The following NRXN3 variants were observed in gnomAD, a reference collection of about 807,000 sequenced individuals.
NRXN3 encodes the protein neurexin III.
Under a neutral mutation model 137.6 loss-of-function variants are expected in NRXN3, and 32 were observed. The ratio of observed to expected loss-of-function variants is 0.23; its 90% CI spans 0.18 to 0.31. NRXN3 has a LOEUF of 0.31. Ranked by LOEUF, NRXN3 falls within the 10% of genes least tolerant of loss-of-function variation. NRXN3 has a pLI of 1.00. For missense variants in NRXN3, 1,574 were observed against 2,062.5 expected (o/e 0.76, Z 4.59); for synonymous variants, 798 against 784.5 (o/e 1.02, Z -0.29).
chr14:79,420,214 A>C (rs1567075628), intron 15 of NRXN3, among the ~76,000 whole-genome samples: 3 of 152,220 alleles, frequency 2.0e-5, no homozygotes, highest in African/African-American at 7.2e-5. Context: ...AGGTAGGTAT[A>C]ATTATTATTA....
intron 10 of NRXN3, among the ~76,000 whole-genome samples, chr14:78,927,807 C>T (rs544185806): frequency 3.3e-5 from 5 of 152,056 alleles, no homozygotes; most frequent in Non-Finnish European, 7.4e-5. Context: ...GCATTTTTCC[C>T]CACACAGGAC....
chr14:79,154,707 C>T lies in NRXN3; in HGVS notation c.3262+166566C>T, dbSNP rs75273792. 2.9e-3 allele frequency among the ~76,000 whole-genome samples: 446 copies of T among 151,834 alleles called. 2 individuals are homozygous for T. The highest frequency in any genetic ancestry group is 8.9e-3 in the African/African-American group (370 of 41,438). ...CTGCCTATATCATGAGACTTTGTGA[C>T]GATTCAAAGGAGCAATTCAGGCACA... On this transcript the variant is annotated intron_variant, in intron 15 of 20. Transcript: ENST00000335750.
intron 10 of NRXN3, among the ~76,000 whole-genome samples, chr14:78,891,406 A>G (rs773861786): frequency 1.3e-5 from 2 of 151,938 alleles, no homozygotes; most frequent in African/African-American, 2.4e-5. Context: ...GTTTTTATGC[A>G]TTACTGATAG....
chr14:78,710,287 T>G (rs2098395368), intron 7 of NRXN3, among the ~76,000 whole-genome samples: 1 of 151,900 alleles, frequency 6.6e-6, no homozygotes, highest in Non-Finnish European at 1.5e-5. Context: ...TTACATTTTG[T>G]TTAAATGGCT....
At chr14:79,399,227 T>C (rs923296814) in intron 15 of NRXN3, among the ~76,000 whole-genome samples, 1 of 152,096 alleles carries the variant, frequency 6.6e-6, no homozygotes, top group African/African-American at 2.4e-5. Flanking sequence ...GAATTTTGAG[T>C]TCCCACACTC....
At chr14:78,529,166 G>A (rs76857177) in intron 4 of NRXN3, among the ~76,000 whole-genome samples, 4,254 of 152,230 alleles carry the variant, frequency 0.028, 122 homozygotes, top group African/African-American at 0.069. Flanking sequence ...AAAGTGTAGC[G>A]TCCTTAAACT....
chr14:78,671,921 T>A (rs891288000), intron 6 of NRXN3, among the ~76,000 whole-genome samples: 2 of 152,210 alleles, frequency 1.3e-5, no homozygotes, highest in African/African-American at 2.4e-5. Flanking sequence ...TGAGTTCAAT[T>A]CAGTTTAAGG....
At chr14:78,263,873 T>TTGTGTGTGTG (rs3059009) in intron 2 of NRXN3, among the ~76,000 whole-genome samples, 10 of 135,650 alleles carry the variant, frequency 7.4e-5, no homozygotes, top group Admixed American at 2.3e-4. Context: ...CAGTTCTATT[T>TTGTGTGTGTG]TGTGTGTGTG....
intron 15 of NRXN3, among the ~76,000 whole-genome samples, chr14:78,992,227 G>A (rs2099520410): frequency 6.6e-6 from 1 of 152,190 alleles, no homozygotes; most frequent in Non-Finnish European, 1.5e-5. Context: ...CAGAAGAAAT[G>A]TTGAGTTAAT....
chr14:79,110,983 G>T (rs890666368), intron 15 of NRXN3, among the ~76,000 whole-genome samples: 5 of 151,912 alleles, frequency 3.3e-5, no homozygotes, highest in Non-Finnish European at 1.5e-5. Flanking sequence ...GTAGAGATGG[G>T]GTTTCACCGT....
chr14:78,412,248 G>A (rs2092877894), intron 4 of NRXN3, among the ~76,000 whole-genome samples: 1 of 152,170 alleles, frequency 6.6e-6, no homozygotes, highest in Non-Finnish European at 1.5e-5. Context: ...GTGACTTCTG[G>A]ATCAGGGCAC....
intron 15 of NRXN3, among the ~76,000 whole-genome samples, chr14:79,155,568 G>A (rs991666142): frequency 2.0e-5 from 3 of 151,558 alleles, no homozygotes; most frequent in Non-Finnish European, 3.0e-5. Flanking sequence ...TAATTCTAAA[G>A]TAAATGAAAA....
intron 16 of NRXN3, among the ~76,000 whole-genome samples, chr14:79,537,313 T>G (rs1167086588): frequency 6.6e-6 from 1 of 152,124 alleles, no homozygotes; most frequent in African/African-American, 2.4e-5. Flanking sequence ...TATTATACTT[T>G]AAGCTTTAGG....
At chr14:79,590,790 T>C (rs897004154) in intron 16 of NRXN3, among the ~76,000 whole-genome samples, 6 of 152,224 alleles carry the variant, frequency 3.9e-5, no homozygotes, top group Non-Finnish European at 8.8e-5. Flanking sequence ...ATGGACTCTT[T>C]CTCAACTCTT....
chr14:78,679,173 C>T (rs903015474), intron 6 of NRXN3, among the ~76,000 whole-genome samples: 1 of 152,114 alleles, frequency 6.6e-6, no homozygotes, highest in Non-Finnish European at 1.5e-5. Context: ...ATTTTTTACC[C>T]ACTGTAGGCT....
rs75566905 is a variant in NRXN3, at chr14:78,281,676, C to T, written c.727+3014C>T. Among the ~76,000 whole-genome samples the T allele has an allele frequency of 1.8e-4, 27 of 152,264 alleles. 2 individuals are homozygous for T. The East Asian group carries it at 3.5e-3, about 20-fold the overall frequency. On this transcript the variant is annotated intron_variant, in intron 3 of 20. Transcript: ENST00000335750. ...CACTTGGCAGGTGCTGAAGAGGGCC[C>T]GGGAGCCCAGCTCTGACATTCTCTT...
At chr14:79,297,446 TCCTATATTTTATCTGGCAA>T (rs2084375866) in intron 15 of NRXN3, among the ~76,000 whole-genome samples, 2 of 152,176 alleles carry the variant, frequency 1.3e-5, no homozygotes, top group African/African-American at 4.8e-5. Context: ...TAACTGGGCA[TCCTATATTTTATCTGGCAA>T]CCTATATTTT....
intron 4 of NRXN3, among the ~76,000 whole-genome samples, chr14:78,474,827 A>G (rs1452246873): frequency 6.6e-6 from 1 of 152,238 alleles, no homozygotes; most frequent in Admixed American, 6.5e-5. Flanking sequence ...CTGGTCTAAT[A>G]CCAGGTACAG....
chr14:78,419,961 G>GCGCGCACACACA lies in NRXN3; in HGVS notation c.757+122102_757+122103insGCGCACACACAC, dbSNP rs1555518606. ...CACGTGTGTGCGCGCGCGCGCGCAC[G>GCGCGCACACACA]CACACACACACACACACACACACAC... On this transcript the variant is annotated intron_variant, in intron 4 of 20. Transcript: ENST00000335750. Among the ~76,000 whole-genome samples the GCGCGCACACACA allele has an allele frequency of 4.5e-3, 223 of 49,236 alleles. 2 individuals are homozygous for GCGCGCACACACA. Among genetic ancestry groups the GCGCGCACACACA allele is most frequent in the South Asian group, 0.042 (54 of 1,278 alleles). The allele number at this position is 49,236 out of a possible 152,430, so 32.3% of individuals were successfully genotyped here.
Sources: gnomAD v4.1 joint callset for allele counts (sites outside exome capture counted in the v4.1 genomes callset) on GRCh38, gnomAD v4.1.1 for gene constraint, MANE v1.5 for transcripts, NCBI Gene and HGNC (gene_info 2026-07-23, HGNC 2026-07-21) for gene names.